MSH4: variants seen among roughly 807,000 people sequenced by gnomAD.
The protein encoded by MSH4 is mutS homolog 4.
In MSH4, 106 loss-of-function variants were observed where a neutral mutation model predicts 113.7. The ratio of observed to expected loss-of-function variants is 0.93; its 90% confidence interval spans 0.80 to 1.10. The LOEUF (loss-of-function observed/expected upper bound fraction) is 1.10, where lower values mean the gene tolerates loss of function less well. Among genes scored for constraint, MSH4 ranks in the 50% least tolerant of loss-of-function variants. The pLI, the probability that MSH4 is intolerant of heterozygous loss-of-function variation, is 0.00. For missense variants in MSH4, 1,061 were observed against 1,093.7 expected (o/e 0.97, Z 0.42); for synonymous variants, 368 against 380.2 (o/e 0.97, Z 0.37).
At chr1:75,845,915 A>T (rs1298564401) in intron 7 of MSH4, among the ~76,000 whole-genome samples, 1 of 152,130 alleles carries the variant, frequency 6.6e-6, no homozygotes, top group South Asian at 2.1e-4. Context: ...TTTGAAATTT[A>T]GGCAGAAGCC....
intron 17 of MSH4, among the ~76,000 whole-genome samples, chr1:75,891,322 C>T (rs1404558075): frequency 6.6e-6 from 1 of 152,074 alleles, no homozygotes; most frequent in African/African-American, 2.4e-5. Flanking sequence ...TTTAAATGGT[C>T]ACTCACAATA....
chr1:75,898,641 C>T (rs925358521), intron 18 of MSH4, among the ~76,000 whole-genome samples: 3 of 151,924 alleles, frequency 2.0e-5, no homozygotes, highest in Admixed American at 2.0e-4. Context: ...GCCTCAGCCT[C>T]CCGAGTAGCT....
At chr1:75,884,872 T>G in intron 15 of MSH4, among the ~76,000 whole-genome samples, 1 of 151,688 alleles carries the variant, frequency 6.6e-6, no homozygotes, top group Non-Finnish European at 1.5e-5. Context: ...TTTTAGCTAA[T>G]TTCCTTCGCC....
chr1:75,883,896 C>T (rs994286381), intron 15 of MSH4, 75 bp downstream of exon 15: 1 of 1,245,474 alleles, frequency 8.0e-7, no homozygotes, highest in Admixed American at 2.1e-5. Flanking sequence ...TTTTTTAGGG[C>T]CATGTGCCTA....
chr1:75,901,981 G>C (rs759100204), intron 19 of MSH4, among the ~76,000 whole-genome samples: 3 of 151,786 alleles, frequency 2.0e-5, no homozygotes, highest in Non-Finnish European at 4.4e-5. Context: ...TTTCACTTAT[G>C]TTGTTCCCTC....
intron 18 of MSH4, 108 bp from the exon 19 acceptor site, chr1:75,899,510 T>C: frequency 3.5e-6 from 2 of 564,628 alleles, no homozygotes; most frequent in Non-Finnish European, 6.0e-6. Context: ...GAAGTGCCTC[T>C]AGAAGGGAAG....
chr1:75,829,065 A>G (rs1650622620), intron 7 of MSH4, among the ~76,000 whole-genome samples: 1 of 152,152 alleles, frequency 6.6e-6, no homozygotes, highest in Non-Finnish European at 1.5e-5. Flanking sequence ...CAGTACCTGG[A>G]AAATTGGGAC....
At chr1:75,811,223 A>G (rs1650184251) in intron 4 of MSH4, among the ~76,000 whole-genome samples, 1 of 152,176 alleles carries the variant, frequency 6.6e-6, no homozygotes, top group Non-Finnish European at 1.5e-5. Context: ...TATAAAGAAC[A>G]ATAATTTTAG....
intron 9 of MSH4, among the ~76,000 whole-genome samples, chr1:75,872,494 T>TAGAATGACTGCCAGATATGACATAA (rs1300891407): frequency 6.6e-6 from 1 of 152,234 alleles, no homozygotes; most frequent in African/African-American, 2.4e-5. Context: ...CCTGTGCTGT[T>TAGAATGACTGCCAGATATGACATAA]AGAATGACTG....
intron 7 of MSH4, among the ~76,000 whole-genome samples, chr1:75,836,059 T>C (rs1650820996): frequency 6.6e-6 from 1 of 152,210 alleles, no homozygotes; most frequent in Non-Finnish European, 1.5e-5. Context: ...AAATGCCTGG[T>C]AGCCCTTAAA....
chr1:75,883,057 T>G (rs1351578722), intron 14 of MSH4, among the ~76,000 whole-genome samples: 2 of 151,898 alleles, frequency 1.3e-5, no homozygotes, highest in Non-Finnish European at 2.9e-5. Flanking sequence ...CAGGCTGGAG[T>G]GCAGTGGCAC....
At chr1:75,912,001 C>T (rs1008705830) in intron 19 of MSH4, among the ~76,000 whole-genome samples, 3 of 152,052 alleles carry the variant, frequency 2.0e-5, no homozygotes, top group Non-Finnish European at 4.4e-5. Flanking sequence ...CAAGACCAAG[C>T]ATCTAAAGGA....
intron 4 of MSH4, among the ~76,000 whole-genome samples, chr1:75,813,469 ACTT>A (rs1354815528): frequency 1.3e-5 from 2 of 152,114 alleles, no homozygotes; most frequent in Admixed American, 1.3e-4. Flanking sequence ...AAGACACTTA[ACTT>A]CTTGGAGCTT....
chr1:75,902,607 G>T (rs191385205), intron 19 of MSH4, among the ~76,000 whole-genome samples: 50 of 140,804 alleles, frequency 3.6e-4, no homozygotes, highest in African/African-American at 1.3e-3. Flanking sequence ...GTTTAGGTTG[G>T]TTCTATGACT....
chr1:75,843,241 G>A (rs1651002193), intron 7 of MSH4, among the ~76,000 whole-genome samples: 3 of 152,102 alleles, frequency 2.0e-5, no homozygotes, highest in Admixed American at 2.0e-4. Context: ...AGACATTCGG[G>A]GCCACTACCG....
intron 8 of MSH4, among the ~76,000 whole-genome samples, chr1:75,860,509 T>G (rs966867387): frequency 6.6e-6 from 1 of 152,226 alleles, no homozygotes; most frequent in Non-Finnish European, 1.5e-5. Context: ...ATTTTATTTC[T>G]CCTTCACTTA....
intron 16 of MSH4, among the ~76,000 whole-genome samples, chr1:75,890,192 T>G (rs988291809): frequency 6.6e-6 from 1 of 152,034 alleles, no homozygotes; most frequent in Non-Finnish European, 1.5e-5. Context: ...TAAGTCTTAG[T>G]CTCCATTGGT....
At chr1:75,835,917 G>T (rs562658024) in intron 7 of MSH4, among the ~76,000 whole-genome samples, 5 of 152,302 alleles carry the variant, frequency 3.3e-5, no homozygotes, top group African/African-American at 1.2e-4. Flanking sequence ...TGTACAGATT[G>T]TCTTGGATCC....
chr1:75,843,174 A>T (rs1298548065), intron 7 of MSH4, among the ~76,000 whole-genome samples: 1 of 151,992 alleles, frequency 6.6e-6, no homozygotes, highest in Non-Finnish European at 1.5e-5. Context: ...ATTGGAGATG[A>T]CTCACACTCT....
Sources: gnomAD v4.1 joint callset for allele counts (sites outside exome capture counted in the v4.1 genomes callset) on GRCh38, gnomAD v4.1.1 for gene constraint, MANE v1.5 for transcripts, NCBI Gene and HGNC (gene_info 2026-07-23, HGNC 2026-07-21) for gene names.